The following CIB4 variants were observed in gnomAD, a reference collection of about 807,000 sequenced individuals.
CIB4 encodes calcium and integrin binding family member 4.
CIB4 carries 25 observed loss-of-function variants against 25.8 expected under a neutral mutation model. The observed-to-expected ratio is 0.97, with a 90% confidence interval of 0.71 to 1.35. CIB4 has a LOEUF of 1.35. Among genes scored for constraint, CIB4 ranks in the 40% most tolerant of loss-of-function variants. The pLI is 0.00. For missense variants in CIB4, 235 were observed against 228.2 expected (o/e 1.03, Z -0.19); for synonymous variants, 75 against 81.4 (o/e 0.92, Z 0.42).
At chr2:26,626,632 A>C (rs931013637) in intron 3 of CIB4, among the ~76,000 whole-genome samples, 1 of 152,192 alleles carries the variant, frequency 6.6e-6, no homozygotes, top group African/African-American at 2.4e-5. Context: ...TAAATCAGAA[A>C]AGTAAAATTA....
At chr2:26,628,723 G>C (rs535020714) in intron 3 of CIB4, among the ~76,000 whole-genome samples, 1 of 152,170 alleles carries the variant, frequency 6.6e-6, no homozygotes, top group Non-Finnish European at 1.5e-5. Context: ...TCTGGGCCCC[G>C]AGCCCTGCTC....
chr2:26,619,309 G>A (rs1179796960), intron 3 of CIB4, among the ~76,000 whole-genome samples: 2 of 152,196 alleles, frequency 1.3e-5, no homozygotes, highest in African/African-American at 2.4e-5. Flanking sequence ...CGTGGAGACC[G>A]GAAGGAGGGC....
At chr2:26,612,046 A>T (rs556673993) in intron 3 of CIB4, among the ~76,000 whole-genome samples, 6 of 152,384 alleles carry the variant, frequency 3.9e-5, no homozygotes, top group African/African-American at 1.2e-4. Flanking sequence ...TAAAAAGCAA[A>T]TTAAAAAAGA....
chr2:26,605,621 T>C (rs1247432989), intron 3 of CIB4: 2 of 465,562 alleles, frequency 4.3e-6, no homozygotes, highest in Non-Finnish European at 8.9e-6. Context: ...CTAGAGTATC[T>C]CTACCAGAAG....
chr2:26,621,688 G>T (rs1488394307), intron 3 of CIB4, among the ~76,000 whole-genome samples: 5 of 152,182 alleles, frequency 3.3e-5, no homozygotes, highest in Non-Finnish European at 5.9e-5. Flanking sequence ...GGAGTAAATG[G>T]AGAGACATGA....
chr2:26,584,327 C>T (rs534269216), intron 4 of CIB4, among the ~76,000 whole-genome samples: 3 of 152,260 alleles, frequency 2.0e-5, no homozygotes, highest in African/African-American at 7.2e-5. Context: ...TCTCACAATT[C>T]AGAAGCCAGG....
chr2:26,596,724 G>A (rs1321450648), intron 3 of CIB4, among the ~76,000 whole-genome samples: 1 of 144,100 alleles, frequency 6.9e-6, no homozygotes, highest in African/African-American at 2.6e-5. Flanking sequence ...TCCAGCCTGG[G>A]CAAAAAGAGC....
chr2:26,625,490 T>C (rs1669285965), intron 3 of CIB4, among the ~76,000 whole-genome samples: 1 of 152,104 alleles, frequency 6.6e-6, no homozygotes, highest in African/African-American at 2.4e-5. Flanking sequence ...ATAGCTGGGA[T>C]TACAGGCATG....
intron 3 of CIB4, among the ~76,000 whole-genome samples, chr2:26,626,957 A>G (rs1669322508): frequency 6.6e-6 from 1 of 152,058 alleles, no homozygotes; most frequent in Non-Finnish European, 1.5e-5. Context: ...AGGTGTTCAT[A>G]TTGGTTTATA....
At chr2:26,620,206 C>T (rs576051070) in intron 3 of CIB4, among the ~76,000 whole-genome samples, 1 of 151,974 alleles carries the variant, frequency 6.6e-6, no homozygotes, top group African/African-American at 2.4e-5. Context: ...ACTGAGGAAG[C>T]AGGACCCGAA....
intron 3 of CIB4, among the ~76,000 whole-genome samples, chr2:26,607,963 C>T (rs901398574): frequency 1.3e-5 from 2 of 152,232 alleles, no homozygotes; most frequent in African/African-American, 4.8e-5. Flanking sequence ...TCTGGCCGGG[C>T]GCGATGGCTC....
At chr2:26,630,100 C>T (rs1030574501) in intron 2 of CIB4, among the ~76,000 whole-genome samples, 10 of 152,172 alleles carry the variant, frequency 6.6e-5, no homozygotes, top group Non-Finnish European at 1.2e-4. Flanking sequence ...TCCCTGTCAG[C>T]GATGTCTCTT....
At chr2:26,629,818 G>A (rs909673769) in intron 2 of CIB4, among the ~76,000 whole-genome samples, 13 of 152,224 alleles carry the variant, frequency 8.5e-5, no homozygotes, top group African/African-American at 3.1e-4. Flanking sequence ...CTCTACGAGG[G>A]TTCATCATAG....
At chr2:26,611,209 C>T (rs1668990070) in intron 3 of CIB4, among the ~76,000 whole-genome samples, 1 of 152,248 alleles carries the variant, frequency 6.6e-6, no homozygotes. Context: ...GCACACTCAG[C>T]AGGAGATGCA....
At chr2:26,623,584 C>T in intron 3 of CIB4, 1 of 471,214 alleles carries the variant, frequency 2.1e-6, no homozygotes, top group South Asian at 1.5e-5. Flanking sequence ...GGAGCTGAAA[C>T]CTTAGGGGCC....
intron 3 of CIB4, among the ~76,000 whole-genome samples, chr2:26,598,257 G>C (rs1167701412): frequency 6.6e-6 from 1 of 150,986 alleles, no homozygotes; most frequent in Non-Finnish European, 1.5e-5. Flanking sequence ...CTGAGATCAC[G>C]ACAGTGCACT....
chr2:26,608,259 G>A (rs1331065191), intron 3 of CIB4, among the ~76,000 whole-genome samples: 2 of 148,668 alleles, frequency 1.3e-5, no homozygotes, highest in African/African-American at 2.5e-5. Flanking sequence ...AAAAAAAAAG[G>A]AGAGTGGGTC....
chr2:26,617,751 C>T (rs750637973), intron 3 of CIB4, among the ~76,000 whole-genome samples: 3 of 151,990 alleles, frequency 2.0e-5, no homozygotes, highest in Admixed American at 6.5e-5. Flanking sequence ...GAGCCCCCTG[C>T]GGCTGCTTTC....
chr2:26,607,361 A>G (rs1668909058), intron 3 of CIB4, among the ~76,000 whole-genome samples: 1 of 152,250 alleles, frequency 6.6e-6, no homozygotes, highest in South Asian at 2.1e-4. Context: ...ACCAAAAATC[A>G]ATTGTCCCCT....
Sources: allele counts gnomAD v4.1 joint callset (sites outside exome capture counted in the v4.1 genomes callset), GRCh38; gene constraint gnomAD v4.1.1; transcripts MANE v1.5; gene names NCBI Gene and HGNC (gene_info 2026-07-23, HGNC 2026-07-21).